PCM1: variants seen among roughly 807,000 people sequenced by gnomAD.
The protein encoded by PCM1 is pericentriolar material 1 protein.
A neutral mutation model predicts 241.9 loss-of-function variants in PCM1; 157 were observed. The ratio of observed to expected loss-of-function variants is 0.65; its 90% CI spans 0.57 to 0.74. The LOEUF is 0.74. Ranked by LOEUF, PCM1 falls within the 30% of genes least tolerant of loss-of-function variation. The probability of loss-of-function intolerance (pLI) is 0.00; values close to 1 mark genes in which losing one functional copy is unlikely to be tolerated. For synonymous variants in PCM1, 1,085 were observed against 784.9 expected, an observed-to-expected ratio of 1.38 and a Z score of -6.39; for missense variants, 3,478 against 2,360.1, an observed-to-expected ratio of 1.47 and a Z score of -9.81.
chr8:17,969,458 AAC>A (rs2076137115), intron 21 of PCM1, 117 bp from the exon 22 acceptor site: 6 of 726,872 alleles, frequency 8.3e-6, no homozygotes, highest in Admixed American at 6.6e-5. Context: ...TTTTTTAATT[AAC>A]AGTTTTTTGT....
At chr8:18,011,166 C>T (rs987237914) in intron 32 of PCM1, 71 bp from the exon 33 acceptor site, 29 of 1,007,012 alleles carry the variant, frequency 2.9e-5, no homozygotes, top group Admixed American at 3.1e-5. Flanking sequence ...ATTATTAATA[C>T]GATAGACTTA....
intron 5 of PCM1, among the ~76,000 whole-genome samples, chr8:17,939,375 A>ATG (rs139743358): frequency 6.6e-6 from 1 of 151,820 alleles, no homozygotes; most frequent in Admixed American, 6.6e-5. Context: ...TAATTAATTT[A>ATG]TAAACATTAG....
At chr8:18,006,954 T>C (rs1041950081) in intron 30 of PCM1, among the ~76,000 whole-genome samples, 2 of 152,194 alleles carry the variant, frequency 1.3e-5, no homozygotes, top group African/African-American at 4.8e-5. Context: ...TGGCAACTAA[T>C]GGGTAGAGAC....
At chr8:18,019,195 A>G (rs1200444399) in intron 36 of PCM1, among the ~76,000 whole-genome samples, 1 of 152,054 alleles carries the variant, frequency 6.6e-6, no homozygotes, top group Non-Finnish European at 1.5e-5. Flanking sequence ...TTTCTCAGAC[A>G]TTATACCAAG....
intron 27 of PCM1, among the ~76,000 whole-genome samples, chr8:17,990,503 C>T (rs558955258): frequency 7.3e-5 from 11 of 150,058 alleles, no homozygotes; most frequent in African/African-American, 2.7e-4. Context: ...TTTTTTCCCC[C>T]TCTCCCATCA....
intron 31 of PCM1, 103 bp downstream of exon 31, chr8:18,009,847 GT>G: frequency 2.9e-6 from 2 of 680,426 alleles, no homozygotes; most frequent in Non-Finnish European, 2.2e-6. Flanking sequence ...AAAAGTAGTT[GT>G]TTTTAGTAAT....
Position 17,980,648 on chromosome 8 carries a change from A to G in PCM1, c.4001A>G (p.His1334Arg). Residue 1334 changes from histidine (H) to arginine (R), a missense_variant, in exon 24 of 39, where the codon CAT (histidine) becomes CGT (arginine). His to Arg is a conservative substitution (Grantham distance 29). Coordinates refer to ENST00000325083, the MANE Select transcript of PCM1 (RefSeq NM_006197.4). Reference protein sequence around the residue: ...TCEPCKSRNRHSAQTEEPVQA... With the variant: ...TCEPCKSRNRRSAQTEEPVQA... ...GAACCTTGCAAAAGTAGGAACAGAC[A>G]TTCAGCCCAGACTGAAGAGCCTGTT... 2 of 1,613,504 alleles carry G rather than the reference A, an allele frequency of 1.2e-6. No individual in the cohort carries two copies. The highest frequency in any genetic ancestry group is 3.3e-5 in the Admixed American group (2 of 60,016).
In PCM1 at chr8:17,972,527, T is replaced by C; in HGVS notation, c.3783T>C (p.Phe1261=). ...RQFDEESLES[F]SSMPDPVDPT... is the part of the protein sequence containing the mutation. ...TTGATGAAGAATCACTGGAAAGCTT[T>C]AGCAGTATGCCTGATCCAGTAGATC... Residue 1261 remains phenylalanine (F), a synonymous_variant, in exon 23 of 39, where the codon TTT becomes TTC. Transcript: ENST00000325083. 1 of 1,613,934 alleles carries C rather than the reference T, an allele frequency of 6.2e-7. No individual in the cohort carries two copies. The highest frequency in any genetic ancestry group is 1.6e-4 in the Middle Eastern group (1 of 6,062).
At chr8:17,950,409 G>C (rs2065593189) in intron 7 of PCM1, among the ~76,000 whole-genome samples, 1 of 152,192 alleles carries the variant, frequency 6.6e-6, no homozygotes, top group Non-Finnish European at 1.5e-5. Flanking sequence ...CACTTTACCA[G>C]AGTTTTGTGA....
rs2069439109 is a variant in PCM1 at position 17,957,948 on chromosome 8, T to A, written c.2040+173T>A. On this transcript the variant is annotated intron_variant, in intron 13 of 38. Coordinates refer to ENST00000325083, the MANE Select transcript of PCM1 (RefSeq NM_006197.4). ...TGTATGTCAGAGGTCAGCAACCTTT[T>A]TAAATTAAGAGTGAGTTGGTTAGAT... 2.0e-5 allele frequency among the ~76,000 whole-genome samples: 3 copies of A among 152,230 alleles called. No homozygotes were observed. In the South Asian group the frequency reaches 6.2e-4, roughly 32 times the overall value.
At chr8:17,963,822 A>T (rs558334361) in intron 17 of PCM1, among the ~76,000 whole-genome samples, 1 of 152,300 alleles carries the variant, frequency 6.6e-6, no homozygotes, top group South Asian at 2.1e-4. Flanking sequence ...AAAATTTTGA[A>T]ATATAGATTT....
At chr8:17,969,544 A>T (rs748120565) in intron 21 of PCM1, 33 bp from the exon 22 acceptor site, 1 of 1,434,668 alleles carries the variant, frequency 7.0e-7, no homozygotes, top group East Asian at 2.4e-5. Context: ...ACATTTATTT[A>T]TTTTTCTCTT....
At chr8:17,956,915 C>T (rs916630760) in intron 11 of PCM1, 138 bp downstream of exon 11, 14 of 696,214 alleles carry the variant, frequency 2.0e-5, no homozygotes, top group Admixed American at 1.1e-4. Flanking sequence ...TCAGTGTAAT[C>T]ATCTCTGCCC....
In PCM1 at chr8:17,962,077, T is replaced by C; in HGVS notation, c.2366T>C (p.Met789Thr). The C allele has an allele frequency of 6.2e-7, 1 of 1,611,842 alleles. No individual in the cohort carries two copies. Among genetic ancestry groups the C allele is most frequent in the Middle Eastern group, 1.7e-4 (1 of 6,056 alleles). The change falls in exon 16 of 39, where the codon ATG (methionine) becomes ACG (threonine). Residue 789 changes from methionine (M) to threonine (T), a missense_variant. Coordinates refer to ENST00000325083, the MANE Select transcript of PCM1 (RefSeq NM_006197.4). ...SVGNCPTKKYMPAVTSTPTVN... is the reference protein window; with the variant it reads ...SVGNCPTKKYTPAVTSTPTVN... ...GGTAACTGTCCCACCAAAAAATATA[T>C]GCCAGCTGTTACTTCAACCCCAACT... is the stretch of plus-strand genomic sequence containing the variant.
chr8:17,951,896 A>G (rs2066157802), intron 8 of PCM1, among the ~76,000 whole-genome samples: 1 of 152,164 alleles, frequency 6.6e-6, no homozygotes, highest in South Asian at 2.1e-4. Flanking sequence ...CCTAAGCCCT[A>G]GTGGATTCTT....
At chr8:18,026,134 G>A (rs1215430406) in intron 38 of PCM1, among the ~76,000 whole-genome samples, 4 of 105,866 alleles carry the variant, frequency 3.8e-5, no homozygotes, top group South Asian at 3.6e-4. Context: ...ACTGCACTCC[G>A]GCCTGGGTGA....
In PCM1 at chr8:17,963,110, G is replaced by A; in HGVS notation, c.2473G>A (p.Glu825Lys). Reference protein sequence around the residue: ...SSIVDNELWSEMRRHEMLREE... With the variant: ...SSIVDNELWSKMRRHEMLREE... ...TTCTTAAAAAAAATAGTTGTGGTCA[G>A]AAATGAGAAGACATGAAATGTTGAG... The change falls in exon 17 of 39, where the codon GAA becomes AAA. Residue 825 changes from glutamate (E) to lysine (K), a missense_variant. Physicochemically the swap from Glu to Lys is moderately conservative, Grantham distance 56. Coordinates refer to ENST00000325083, the MANE Select transcript of PCM1 (RefSeq NM_006197.4). 1 of 1,607,472 alleles carries A rather than the reference G, an allele frequency of 6.2e-7. No individual in the cohort carries two copies.
In PCM1 at chr8:17,957,680, C is replaced by A. The variant is rs1563915528; in HGVS notation, c.1945C>A (p.His649Asn). ...TCACAGGAGCAGTCTGGTTGATGAG[C>A]ATCCAGAAGATGCTGAATTTGAACA... ...SSHRSSLVDEHPEDAEFEQKI... is the reference protein window; with the variant it reads ...SSHRSSLVDENPEDAEFEQKI... The change falls in exon 13 of 39, where the codon CAT becomes AAT. Residue 649 changes from histidine to asparagine, a missense_variant. Coordinates refer to ENST00000325083, the MANE Select transcript of PCM1 (RefSeq NM_006197.4). The A allele has an allele frequency of 1.2e-6, 2 of 1,610,692 alleles. No homozygotes were observed.
intron 29 of PCM1, among the ~76,000 whole-genome samples, chr8:18,003,298 C>T (rs1042530341): frequency 1.3e-5 from 2 of 152,208 alleles, no homozygotes; most frequent in African/African-American, 4.8e-5. Flanking sequence ...TCTTTAGACG[C>T]TCTAAGTGTG....
Sources: gnomAD v4.1 joint callset for allele counts (sites outside exome capture counted in the v4.1 genomes callset) on GRCh38, gnomAD v4.1.1 for gene constraint, MANE v1.5 for transcripts, NCBI Gene and HGNC (gene_info 2026-07-23, HGNC 2026-07-21) for gene names.